The following DPP6 variants were observed in gnomAD, a reference collection of about 807,000 sequenced individuals.
DPP6 encodes the protein dipeptidyl peptidase like 6.
DPP6 carries 69 observed loss-of-function variants against 122.6 expected under a neutral mutation model. That is an observed-to-expected ratio of 0.56 (90% confidence interval 0.46 to 0.69). The LOEUF is 0.69. DPP6 is among the 30% of genes least tolerant of loss of function. DPP6 has a pLI of 0.00. For synonymous variants in DPP6, 418 were observed against 433.1 expected (o/e 0.97, Z 0.43); for missense variants, 928 against 1,116.9 (o/e 0.83, Z 2.41).
intron 8 of DPP6, among the ~76,000 whole-genome samples, chr7:154,738,295 C>T (rs889669474): frequency 2.0e-5 from 3 of 152,244 alleles, no homozygotes; most frequent in Admixed American, 2.0e-4. Flanking sequence ...CTGTGGGTTT[C>T]TCCCAAGAGA....
intron 1 of DPP6, among the ~76,000 whole-genome samples, chr7:153,966,624 T>A (rs1795753630): frequency 6.9e-6 from 1 of 144,300 alleles, no homozygotes; most frequent in Admixed American, 7.2e-5. Context: ...AAATTATACT[T>A]TAATTTTTAC....
intron 1 of DPP6, among the ~76,000 whole-genome samples, chr7:154,214,535 C>T (rs376704695): frequency 1.1e-4 from 17 of 152,326 alleles, no homozygotes; most frequent in African/African-American, 4.1e-4. Context: ...CCAAACGCCA[C>T]CTTGCCTGCC....
At chr7:154,108,344 C>A (rs1585393710) in intron 1 of DPP6, among the ~76,000 whole-genome samples, 1 of 152,128 alleles carries the variant, frequency 6.6e-6, no homozygotes, top group South Asian at 2.1e-4. Flanking sequence ...TTTAGTAAAC[C>A]AATTGATGTA....
In DPP6 at chr7:154,803,890, G is replaced by A. The variant is rs766607479; in HGVS notation, c.1434G>A (p.Gln478=). The A allele has an allele frequency of 1.2e-6, 2 of 1,613,956 alleles. No homozygotes were observed. The highest frequency in any genetic ancestry group is 1.7e-6 in the Non-Finnish European group (2 of 1,179,856). Residue 478 remains glutamine (Q), a synonymous_variant, in exon 14 of 26, where the codon CAG becomes CAA. Coordinates refer to ENST00000377770, the MANE Select transcript of DPP6 (RefSeq NM_130797.4). ...SQPNSSNDNI[Q]SITSGDWDVT... is the part of the protein sequence containing the mutation. ...CCAACAGCAGCAACGACAACATCCAGTCCATCACCTCCGGGGACTGGGACG... is the reference window on the plus strand; with the variant it reads ...CCAACAGCAGCAACGACAACATCCAATCCATCACCTCCGGGGACTGGGACG...
chr7:154,779,988 ATC>A (rs1310861722), intron 10 of DPP6, among the ~76,000 whole-genome samples: 1 of 152,170 alleles, frequency 6.6e-6, no homozygotes, highest in Non-Finnish European at 1.5e-5. Flanking sequence ...CTGTAGTCCT[ATC>A]TCTGTTTTCA....
intron 1 of DPP6, among the ~76,000 whole-genome samples, chr7:154,152,067 T>A (rs1212993643): frequency 6.6e-6 from 1 of 151,102 alleles, no homozygotes; most frequent in Non-Finnish European, 1.5e-5. Flanking sequence ...GAAACCACAC[T>A]GTTGGACTCT....
chr7:154,340,982 AGC>A (rs1809876066), intron 1 of DPP6, among the ~76,000 whole-genome samples: 1 of 152,186 alleles, frequency 6.6e-6, no homozygotes, highest in Non-Finnish European at 1.5e-5. Context: ...TAGTTTTTTC[AGC>A]ATATATAAAT....
chr7:154,460,889 A>T (rs145027734), intron 2 of DPP6, among the ~76,000 whole-genome samples: 298 of 152,302 alleles, frequency 2.0e-3, no homozygotes, highest in African/African-American at 6.6e-3. Context: ...AAAAATGCAT[A>T]ATAAAGTATT....
At chr7:154,147,894 G>T (rs866355310) in intron 1 of DPP6, among the ~76,000 whole-genome samples, 3,681 of 141,482 alleles carry the variant, frequency 0.026, no homozygotes, top group African/African-American at 0.1. Flanking sequence ...TAGTTTTGAT[G>T]TTTAAATGAA....
intron 7 of DPP6, among the ~76,000 whole-genome samples, chr7:154,703,416 C>G (rs1048917711): frequency 6.6e-6 from 1 of 151,966 alleles, no homozygotes; most frequent in African/African-American, 2.4e-5. Flanking sequence ...GTCAGGAGTT[C>G]GAGACCAGCC....
In DPP6 at chr7:154,053,636, GA is replaced by G. The variant is rs201842922; in HGVS notation, c.243+583del. Among the ~76,000 whole-genome samples the G allele has an allele frequency of 1.8e-3, 263 of 148,516 alleles. 3 individuals are homozygous for G. The East Asian group carries it at 0.021, about 12-fold the overall frequency. On this transcript the variant is annotated intron_variant, in intron 1 of 25. Coordinates refer to ENST00000377770, the MANE Select transcript of DPP6 (RefSeq NM_130797.4). ...GTGGTGATGGTGATTATCCTTTCCG[GA>G]AAAAAAAAATACCAAAATACTGGCA...
chr7:153,859,496 A>T, the DPP6 span, among the ~76,000 whole-genome samples: 4 of 152,168 alleles, frequency 2.6e-5, no homozygotes, highest in African/African-American at 9.6e-5. Flanking sequence ...GGGAGCTGAA[A>T]TCAGTGTTCT....
intron 1 of DPP6, among the ~76,000 whole-genome samples, chr7:154,220,985 T>A (rs541709274): frequency 1.8e-4 from 27 of 152,280 alleles, no homozygotes; most frequent in African/African-American, 6.0e-4. Context: ...TATGTGTGGA[T>A]AACATGTACA....
chr7:154,764,555 CT>C (rs1168498208), intron 8 of DPP6, among the ~76,000 whole-genome samples: 1 of 152,136 alleles, frequency 6.6e-6, no homozygotes, highest in African/African-American at 2.4e-5. Flanking sequence ...GCCATTGGTT[CT>C]TTTACTAAAA....
At chr7:153,773,588 A>G in the DPP6 span, among the ~76,000 whole-genome samples, 3 of 146,990 alleles carry the variant, frequency 2.0e-5, no homozygotes, top group Non-Finnish European at 4.5e-5. Context: ...AATACTTGGA[A>G]ATTAAACATG....
At chr7:154,055,787 TG>T (rs545254632) in intron 1 of DPP6, 88 of 152,342 alleles carry the variant, frequency 5.8e-4, no homozygotes, top group African/African-American at 1.9e-3. Flanking sequence ...CCAAGGCTGG[TG>T]GCTTTATCGC....
chr7:154,865,607 C>A (rs991154917), intron 17 of DPP6: 1 of 152,002 alleles, frequency 6.6e-6, no homozygotes, highest in Non-Finnish European at 1.5e-5. Flanking sequence ...TTCTAAACAC[C>A]AGAAACTTTT....
At chr7:154,726,339 A>G (rs112669340) in intron 7 of DPP6, among the ~76,000 whole-genome samples, 4 of 152,310 alleles carry the variant, frequency 2.6e-5, no homozygotes, top group African/African-American at 7.2e-5. Flanking sequence ...ACTTCCAGGC[A>G]TTTCATACAT....
At chr7:154,153,083 T>C (rs1410136206) in intron 1 of DPP6, among the ~76,000 whole-genome samples, 2 of 152,264 alleles carry the variant, frequency 1.3e-5, no homozygotes, top group African/African-American at 4.8e-5. Flanking sequence ...CGTTAGTCTT[T>C]GAACGAGTCT....
Sources: gnomAD v4.1 joint callset for allele counts (sites outside exome capture counted in the v4.1 genomes callset) on GRCh38, gnomAD v4.1.1 for gene constraint, MANE v1.5 for transcripts, NCBI Gene and HGNC (gene_info 2026-07-23, HGNC 2026-07-21) for gene names.